The following EPHB4 variants were observed in gnomAD, a reference collection of about 807,000 sequenced individuals.
The protein encoded by EPHB4 is ephrin type-B receptor 4.
Under a neutral mutation model 110.6 loss-of-function variants are expected in EPHB4, and 50 were observed. The ratio of observed to expected loss-of-function variants is 0.45; its 90% CI spans 0.36 to 0.57. The LOEUF is 0.57. Among genes scored for constraint, EPHB4 ranks in the 20% least tolerant of loss-of-function variants. The probability of loss-of-function intolerance (pLI) is 0.00; values close to 1 mark genes in which losing one functional copy is unlikely to be tolerated. For missense variants in EPHB4, 1,128 were observed against 1,382.1 expected (o/e 0.82, Z 2.91); for synonymous variants, 592 against 578.4 (o/e 1.02, Z -0.34).
At position 100,817,346 on chromosome 7, in the gene EPHB4, A is replaced by G; in HGVS notation, c.1434T>C (p.Gly478=). ...TCTTCAGGAACCGCACGCTGCTGGG[A>G]CCCTCGGCGCCCTGTCCGGGAGAGG... ...EVKYHEKGAE[G]PSSVRFLKTS... Residue 478 remains glycine (G), a synonymous_variant, in exon 8 of 17, where the codon GGT becomes GGC. Coordinates refer to ENST00000358173, the MANE Select transcript of EPHB4 (RefSeq NM_004444.5). The G allele has an allele frequency of 6.4e-7, 1 of 1,572,600 alleles. No homozygotes were observed. Among genetic ancestry groups the G allele is most frequent in the Non-Finnish European group, 8.6e-7 (1 of 1,160,782 alleles).
intron 7 of EPHB4, 55 bp from the exon 8 acceptor site, chr7:100,817,412 C>T: frequency 6.7e-7 from 1 of 1,481,630 alleles, no homozygotes; most frequent in Non-Finnish European, 8.9e-7. Flanking sequence ...GTTCCTGTTG[C>T]TCTTCCTGCC....
intron 13 of EPHB4, among the ~76,000 whole-genome samples, chr7:100,807,126 C>A (rs1246768190): frequency 6.6e-6 from 1 of 152,184 alleles, no homozygotes. Context: ...CTGCGCCTGG[C>A]TAATCTTTTA....
At chr7:100,810,548 C>G (rs181152808) in intron 12 of EPHB4, among the ~76,000 whole-genome samples, 481 of 152,006 alleles carry the variant, frequency 3.2e-3, no homozygotes, top group Non-Finnish European at 4.5e-3. Context: ...TTGAGACCAG[C>G]CTGGGCAACA....
chr7:100,804,274 T>G (rs1812763656), intron 16 of EPHB4, among the ~76,000 whole-genome samples: 1 of 151,604 alleles, frequency 6.6e-6, no homozygotes, highest in Admixed American at 6.6e-5. Flanking sequence ...GTGCTGAGAT[T>G]ACAGGCGTGA....
chr7:100,826,253 C>T (rs1562975875), intron 1 of EPHB4, among the ~76,000 whole-genome samples: 1 of 151,904 alleles, frequency 6.6e-6, no homozygotes, highest in South Asian at 2.1e-4. Context: ...TTAGTTAGGG[C>T]GATGTGGGGG....
At chr7:100,820,448 T>TGGTGGAAACCTGCCTCTACTAAAAATAC (rs1813196979) in intron 4 of EPHB4, 152 bp from the exon 5 acceptor site, 1 of 694,540 alleles carries the variant, frequency 1.4e-6, no homozygotes, top group African/African-American at 1.9e-5. Flanking sequence ...CTGGGCAACA[T>TGGTGGAAACCTGCCTCTACTAAAAATAC]ATCGAGATCC....
Position 100,805,330 on chromosome 7 carries a change from C to G in EPHB4, c.2679-9G>C, listed in dbSNP as rs1361315114. ...GGAGAGGGTGTGAGGCCCTAGGGGG[C>G]AAGGATGGGGAGGAATGCTGAGTAC... On this transcript the variant is annotated splice_polypyrimidine_tract_variant and intron_variant, in intron 15 of 16. Transcript: ENST00000358173. The G allele has an allele frequency of 6.2e-7, 1 of 1,613,620 alleles. No homozygotes were observed. Among genetic ancestry groups the G allele is most frequent in the East Asian group, 2.2e-5 (1 of 44,872 alleles).
chr7:100,813,378 C>T (rs763976461), intron 10 of EPHB4, 170 bp from the exon 11 acceptor site: 4 of 632,588 alleles, frequency 6.3e-6, no homozygotes, highest in East Asian at 6.2e-5. Context: ...CGCAGTGGCG[C>T]GATCTTGGCT....
chr7:100,805,318 G>C lies in EPHB4; in HGVS notation c.2682C>G (p.Ala894=), dbSNP rs371478366. 2 of 1,613,646 alleles carry C rather than the reference G, an allele frequency of 1.2e-6. No individual in the cohort carries two copies. Among genetic ancestry groups the C allele is most frequent in the African/African-American group, 2.7e-5 (2 of 74,942 alleles). The part of the protein sequence containing the change: ...LKIVARENGG[A]SHPLLDQRQP... ...GCCGCTGGTCCAGGAGAGGGTGTGA[G>C]GCCCTAGGGGGCAAGGATGGGGAGG... The change falls in exon 16 of 17, where the codon GCC becomes GCG. Residue 894 remains alanine, a synonymous_variant. Coordinates refer to ENST00000358173, the MANE Select transcript of EPHB4 (RefSeq NM_004444.5).
At chr7:100,804,463 C>T (rs539212339) in intron 16 of EPHB4, among the ~76,000 whole-genome samples, 1 of 151,954 alleles carries the variant, frequency 6.6e-6, no homozygotes, top group East Asian at 1.9e-4. Context: ...TACAGGCACG[C>T]ACCACCATGC....
intron 12 of EPHB4, 118 bp downstream of exon 12, chr7:100,812,629 G>A: frequency 7.2e-7 from 1 of 1,389,986 alleles, no homozygotes. Context: ...TAGCCCAAGA[G>A]GAAAAGGCTG....
Position 100,820,143 on chromosome 7 carries a change from G to C in EPHB4, c.962C>G (p.Thr321Ser), listed in dbSNP as rs765971608. 6.2e-7 allele frequency: 1 copy of C among 1,613,618 alleles called. No homozygotes were observed. The highest frequency in any genetic ancestry group is 1.1e-5 in the South Asian group (1 of 91,066). Residue 321 changes from threonine to serine, a missense_variant and splice_region_variant, in exon 5 of 17, where the codon ACC (threonine) becomes AGC (serine). By Grantham distance (58) the Thr-to-Ser change is moderately conservative (BLOSUM62 1). Transcript: ENST00000358173. ...GCACCTGGGTGCTGGTCACTTACTG[G>C]TGCAGGGTGCACCCCGGGGGTCTGT... is the stretch of plus-strand genomic sequence containing the variant. ...ARTDPRGAPC[T>S]TPPSAPRSVV...
At chr7:100,826,011 G>A (rs561618496) in intron 1 of EPHB4, among the ~76,000 whole-genome samples, 4 of 152,300 alleles carry the variant, frequency 2.6e-5, no homozygotes, top group Non-Finnish European at 4.4e-5. Flanking sequence ...GGGGGAGAGG[G>A]TTTTTCTAAC....
At chr7:100,810,577 C>T (rs903544305) in intron 12 of EPHB4, among the ~76,000 whole-genome samples, 1 of 151,180 alleles carries the variant, frequency 6.6e-6, no homozygotes, top group Non-Finnish European at 1.5e-5. Context: ...CCCCCATCTC[C>T]GTAAAAAATT....
intron 2 of EPHB4, 106 bp downstream of exon 2, chr7:100,824,097 C>T (rs895930430): frequency 2.3e-4 from 362 of 1,558,670 alleles, no homozygotes; most frequent in Non-Finnish European, 3.0e-4. Flanking sequence ...CTGCTGTCAT[C>T]TGGGGGGACA....
rs898898802 is a variant in EPHB4, at chr7:100,819,800, G to A, written c.1054C>T (p.Arg352Ter). The A allele has an allele frequency of 3.2e-6, 5 of 1,568,162 alleles. No homozygotes were observed. In the African/African-American group the frequency reaches 4.1e-5, roughly 13 times the overall value. The change falls in exon 6 of 17, where the codon CGA (arginine) becomes TGA (stop). Residue 352 changes from arginine (R) to a stop codon, truncating the protein, a stop_gained. Coordinates refer to ENST00000358173, the MANE Select transcript of EPHB4 (RefSeq NM_004444.5). LOFTEE classifies it high-confidence loss of function. Reference protein sequence around the residue: ...EWSAPLESGGREDLTYALRCR... With the variant: ...EWSAPLESGG ...CGGAGGGCGTAGGTGAGGTCCTCTC[G>A]GCCACCAGACTCCAGGGGGGCACTC...
intron 6 of EPHB4, among the ~76,000 whole-genome samples, chr7:100,819,211 C>T (rs1813157518): frequency 6.6e-6 from 1 of 152,182 alleles, no homozygotes; most frequent in South Asian, 2.1e-4. Flanking sequence ...CTCCTGGGCT[C>T]AAGCAATCCT....
intron 12 of EPHB4, among the ~76,000 whole-genome samples, chr7:100,808,202 C>T (rs1314799328): frequency 6.6e-6 from 1 of 152,184 alleles, no homozygotes; most frequent in Non-Finnish European, 1.5e-5. Flanking sequence ...CCAGGAAATA[C>T]TCAACAAATG....
At chr7:100,803,665 G>A (rs1812750727) in intron 16 of EPHB4, 75 bp from the exon 17 acceptor site, 3 of 1,469,134 alleles carry the variant, frequency 2.0e-6, no homozygotes, top group African/African-American at 1.4e-5. Context: ...TCCTGAGACG[G>A]TCCTAGCCTC....
Sources: allele counts gnomAD v4.1 joint callset (sites outside exome capture counted in the v4.1 genomes callset), GRCh38; gene constraint gnomAD v4.1.1; transcripts MANE v1.5; gene names NCBI Gene and HGNC (gene_info 2026-07-23, HGNC 2026-07-21).